CFAP61: variants seen among roughly 807,000 people sequenced by gnomAD.
CFAP61 encodes cilia- and flagella-associated protein 61.
Under a neutral mutation model 135.6 loss-of-function variants are expected in CFAP61, and 107 were observed. That is an observed-to-expected ratio of 0.79 (90% CI 0.67 to 0.93). The LOEUF (loss-of-function observed/expected upper bound fraction) is 0.93, where lower values mean the gene tolerates loss of function less well. CFAP61 is among the 40% of genes least tolerant of loss of function. The probability of loss-of-function intolerance (pLI) is 0.00; values close to 1 mark genes in which losing one functional copy is unlikely to be tolerated. For synonymous variants in CFAP61, 575 were observed against 578.5 expected (o/e 0.99, Z 0.09); for missense variants, 1,507 against 1,556.2 (o/e 0.97, Z 0.53).
At chr20:20,322,700 A>C in intron 25 of CFAP61, 1 of 985,416 alleles carries the variant, frequency 1.0e-6, no homozygotes, top group Non-Finnish European at 1.2e-6. Context: ...AACTACCCTC[A>C]GAGTTCTGGC....
chr20:20,296,875 G>T (rs191360042), intron 24 of CFAP61, among the ~76,000 whole-genome samples: 1 of 152,096 alleles, frequency 6.6e-6, no homozygotes, highest in East Asian at 1.9e-4. Flanking sequence ...TTGTCGGTGG[G>T]CCATTGTTTT....
At chr20:20,284,762 G>A (rs1428490612) in intron 22 of CFAP61, among the ~76,000 whole-genome samples, 3 of 152,142 alleles carry the variant, frequency 2.0e-5, no homozygotes, top group Non-Finnish European at 2.9e-5. Flanking sequence ...TTTGTTAACA[G>A]CCATCCTATA....
In CFAP61 at chr20:20,090,844, G is replaced by C. The variant is rs776491977; in HGVS notation, c.567G>C (p.Arg189Ser). 6.2e-7 allele frequency: 1 copy of C among 1,614,082 alleles called. No homozygotes were observed. Among genetic ancestry groups the C allele is most frequent in the East Asian group, 2.2e-5 (1 of 44,880 alleles). ...HYPQLHVRKARVEDHDDLMPI... is the reference protein window; with the variant it reads ...HYPQLHVRKASVEDHDDLMPI... ...GAACTTCAGCCTTTCTATTAAACAG[G>C]GTGGAAGACCATGACGATCTCATGC... Residue 189 changes from arginine to serine, a missense_variant and splice_region_variant, in exon 7 of 27, where the codon AGG becomes AGC. Transcript: ENST00000245957.
chr20:20,271,924 C>T (rs567640181), intron 21 of CFAP61, among the ~76,000 whole-genome samples: 26 of 152,216 alleles, frequency 1.7e-4, no homozygotes, highest in African/African-American at 6.3e-4. Flanking sequence ...GGGAAATCAT[C>T]AGTTTTTCCA....
intron 9 of CFAP61, among the ~76,000 whole-genome samples, chr20:20,158,090 G>T: frequency 6.7e-6 from 1 of 148,784 alleles, no homozygotes; most frequent in Admixed American, 6.9e-5. Flanking sequence ...GGGGACTGTG[G>T]TGGGGTGGGG....
In CFAP61 at chr20:20,075,494, A is replaced by T; in HGVS notation, c.445A>T (p.Thr149Ser). ...TCTTTATCTCTGTGATTTAGGCTCAACTCTCATAACTGTTTTTGACCAAGT... is the reference window on the plus strand; with the variant it reads ...TCTTTATCTCTGTGATTTAGGCTCATCTCTCATAACTGTTTTTGACCAAGT... ...IVPSYMSLGSTLITVFDQVGN... is the reference protein window; with the variant it reads ...IVPSYMSLGSSLITVFDQVGN... The change falls in exon 6 of 27, where the codon ACT (threonine) becomes TCT (serine). Residue 149 changes from threonine (T) to serine (S), a missense_variant. Transcript: ENST00000245957. 6.2e-7 allele frequency: 1 copy of T among 1,614,034 alleles called. No individual in the cohort carries two copies. Among genetic ancestry groups the T allele is most frequent in the Non-Finnish European group, 8.5e-7 (1 of 1,179,924 alleles).
At chr20:20,274,575 G>A (rs1313482332) in intron 21 of CFAP61, among the ~76,000 whole-genome samples, 3 of 152,046 alleles carry the variant, frequency 2.0e-5, no homozygotes, top group Non-Finnish European at 4.4e-5. Flanking sequence ...GTGGGAGAAT[G>A]GCTTGAACCT....
At chr20:20,224,190 G>A (rs2048578308) in intron 17 of CFAP61, among the ~76,000 whole-genome samples, 1 of 152,182 alleles carries the variant, frequency 6.6e-6, no homozygotes, top group Non-Finnish European at 1.5e-5. Flanking sequence ...AACTCCTCCA[G>A]TAGTGACTCA....
At chr20:20,317,657 G>A (rs535223002) in intron 25 of CFAP61, among the ~76,000 whole-genome samples, 17 of 152,224 alleles carry the variant, frequency 1.1e-4, no homozygotes, top group East Asian at 1.9e-4. Flanking sequence ...TGGATCCCAC[G>A]GTACCCTCTT....
At chr20:20,115,219 A>C (rs139370925) in intron 8 of CFAP61, among the ~76,000 whole-genome samples, 114 of 152,168 alleles carry the variant, frequency 7.5e-4, no homozygotes, top group Non-Finnish European at 1.4e-3. Context: ...AAATGAAGTC[A>C]TGCTGGTCTC....
intron 6 of CFAP61, among the ~76,000 whole-genome samples, chr20:20,090,506 A>G (rs1197508568): frequency 6.6e-6 from 1 of 152,102 alleles, no homozygotes; most frequent in African/African-American, 2.4e-5. Flanking sequence ...CCTGGCCAAC[A>G]TGGTGAAACC....
At chr20:20,158,200 T>C (rs1045954662) in intron 9 of CFAP61, among the ~76,000 whole-genome samples, 5 of 151,380 alleles carry the variant, frequency 3.3e-5, no homozygotes, top group African/African-American at 4.9e-5. Context: ...ATGTAACTAA[T>C]CTGCACAATG....
chr20:20,355,944 G>A (rs1456206200), intron 26 of CFAP61, among the ~76,000 whole-genome samples: 1 of 143,300 alleles, frequency 7.0e-6, no homozygotes, highest in African/African-American at 2.6e-5. Context: ...TGTGAGCAGA[G>A]ATGGTCACAC....
chr20:20,163,393 G>T (rs576072640), intron 10 of CFAP61, among the ~76,000 whole-genome samples: 1 of 152,114 alleles, frequency 6.6e-6, no homozygotes, highest in Admixed American at 6.6e-5. Context: ...GCAGTCCCAA[G>T]ATTCAAAAAT....
chr20:20,106,020 A>G (rs1414256404), intron 8 of CFAP61, among the ~76,000 whole-genome samples: 2 of 61,652 alleles, frequency 3.2e-5, no homozygotes, highest in Non-Finnish European at 6.2e-5. Flanking sequence ...ATATATATAT[A>G]TATATATATA....
intron 8 of CFAP61, among the ~76,000 whole-genome samples, chr20:20,137,264 C>T (rs1301972225): frequency 2.6e-5 from 4 of 152,318 alleles, no homozygotes; most frequent in Admixed American, 2.6e-4. Context: ...TACCTACATT[C>T]TCTCAAGGCC....
chr20:20,269,541 T>G (rs150984286), intron 21 of CFAP61, among the ~76,000 whole-genome samples: 2,015 of 152,088 alleles, frequency 0.013, 39 homozygotes, highest in African/African-American at 0.045. Flanking sequence ...CCGGCTAATT[T>G]TTGTATTTTT....
chr20:20,108,273 C>T (rs996666668), intron 8 of CFAP61, among the ~76,000 whole-genome samples: 1 of 152,118 alleles, frequency 6.6e-6, no homozygotes, highest in Non-Finnish European at 1.5e-5. Context: ...TGTTCTTTGA[C>T]TTCAACTATA....
intron 12 of CFAP61, among the ~76,000 whole-genome samples, chr20:20,168,107 G>A (rs2053964853): frequency 6.6e-6 from 1 of 151,952 alleles, no homozygotes; most frequent in South Asian, 2.1e-4. Context: ...AAAGAGATAG[G>A]GTCTCACTTT....
Sources: allele counts gnomAD v4.1 joint callset (sites outside exome capture counted in the v4.1 genomes callset), GRCh38; gene constraint gnomAD v4.1.1; transcripts MANE v1.5; gene names NCBI Gene and HGNC (gene_info 2026-07-23, HGNC 2026-07-21).